The following PDE4D variants were observed in gnomAD, a reference collection of about 807,000 sequenced individuals.
The protein encoded by PDE4D is phosphodiesterase 4D.
Under a neutral mutation model 87.4 loss-of-function variants are expected in PDE4D, and 24 were observed. The observed-to-expected ratio is 0.27, with a 90% CI of 0.20 to 0.39. The LOEUF (loss-of-function observed/expected upper bound fraction) is 0.39. Among genes scored for constraint, PDE4D ranks in the 10% least tolerant of loss-of-function variants. The pLI, the probability that PDE4D is intolerant of heterozygous loss-of-function variation, is 1.00. For missense variants in PDE4D, 714 were observed against 1,041.0 expected, an observed-to-expected ratio of 0.69 and a Z score of 4.32; for synonymous variants, 384 against 383.2, an observed-to-expected ratio of 1.00 and a Z score of -0.02.
At chr5:59,264,540 T>C (rs1482328356) in intron 1 of PDE4D, among the ~76,000 whole-genome samples, 1 of 152,016 alleles carries the variant, frequency 6.6e-6, no homozygotes, top group Non-Finnish European at 1.5e-5. Context: ...TACTGATTCA[T>C]ATACTAGTAG....
At chr5:60,338,637 C>A (rs1045902203) in intron 1 of PDE4D, among the ~76,000 whole-genome samples, 2 of 152,136 alleles carry the variant, frequency 1.3e-5, no homozygotes, top group African/African-American at 4.8e-5. Flanking sequence ...GTCTCTTTGG[C>A]AGATCCACCT....
chr5:60,211,747 C>T (rs1014416331), intron 1 of PDE4D, among the ~76,000 whole-genome samples: 1 of 151,922 alleles, frequency 6.6e-6, no homozygotes, highest in Admixed American at 6.6e-5. Context: ...ACTGTGTGTG[C>T]TTCCCTACCC....
At chr5:59,183,844 C>T (rs10042606) in intron 4 of PDE4D, among the ~76,000 whole-genome samples, 36,918 of 152,112 alleles carry the variant, frequency 0.24, 4,756 homozygotes, top group African/African-American at 0.3. Flanking sequence ...ATAGACTCTG[C>T]ATTATGCTAG....
At chr5:59,886,030 G>T (rs1750099976) in intron 1 of PDE4D, among the ~76,000 whole-genome samples, 1 of 152,068 alleles carries the variant, frequency 6.6e-6, no homozygotes, top group Non-Finnish European at 1.5e-5. Context: ...AGATTATTAA[G>T]AAAATCAAAT....
Position 59,397,659 on chromosome 5 carries a change from C to A in PDE4D, c.456-181691G>T, listed in dbSNP as rs1165745174. 5.2e-5 allele frequency among the ~76,000 whole-genome samples: 6 copies of A among 116,180 alleles called. 2 individuals carry two copies. The highest frequency in any genetic ancestry group is 1.8e-5 in the Non-Finnish European group (1 of 55,418). 76.2% of individuals were successfully genotyped at this position (116,180 alleles called of 152,430 possible). A position where few individuals can be genotyped will look rare whatever the true frequency, so the allele number is the denominator to read the frequency against. ...ATCCAAAATTGACACCCTAACATCA[C>A]AAGTAAAAGAACTAGAAAAGCAAGA... On this transcript the variant is annotated intron_variant, in intron 1 of 14. Transcript: ENST00000340635.
At chr5:59,409,204 T>C (rs548263502) in intron 1 of PDE4D, among the ~76,000 whole-genome samples, 1 of 152,206 alleles carries the variant, frequency 6.6e-6, no homozygotes, top group African/African-American at 2.4e-5. Context: ...CTATTGTACC[T>C]TGGCTTGGAA....
intron 1 of PDE4D, among the ~76,000 whole-genome samples, chr5:59,887,257 T>C (rs1473624972): frequency 6.6e-6 from 1 of 152,128 alleles, no homozygotes; most frequent in Non-Finnish European, 1.5e-5. Flanking sequence ...ATGGTGAGGT[T>C]TGGGGCAATG....
chr5:59,246,217 G>C (rs1401205724), intron 1 of PDE4D, among the ~76,000 whole-genome samples: 7 of 151,960 alleles, frequency 4.6e-5, no homozygotes, highest in Admixed American at 1.3e-4. Context: ...CATCTATTCA[G>C]AAAGGTACCA....
chr5:60,118,242 A>G (rs1309347622), intron 2 of PDE4D, among the ~76,000 whole-genome samples: 2 of 152,094 alleles, frequency 1.3e-5, no homozygotes, highest in African/African-American at 4.8e-5. Context: ...CAAGAGACTC[A>G]GTCAACCCAT....
chr5:59,225,919 C>T (rs1172336039), intron 1 of PDE4D, among the ~76,000 whole-genome samples: 2 of 151,496 alleles, frequency 1.3e-5, no homozygotes, highest in African/African-American at 4.9e-5. Flanking sequence ...CTCAACCTCA[C>T]TAATCATTAA....
At chr5:59,909,299 T>C (rs899900176) in intron 3 of PDE4D, among the ~76,000 whole-genome samples, 1 of 152,186 alleles carries the variant, frequency 6.6e-6, no homozygotes, top group African/African-American at 2.4e-5. Context: ...AATCTAACCC[T>C]TAACAGGGAG....
At position 59,645,227 on chromosome 5, in the gene PDE4D, G is replaced by A. The variant is rs540002009; in HGVS notation, c.455+247941C>T. On this transcript the variant is annotated intron_variant, in intron 1 of 14. Coordinates refer to ENST00000340635, the MANE Select transcript of PDE4D (RefSeq NM_001104631.2). ...AGAAATGTTTCTGTCTACCACAGAG[G>A]TGGATTTACCGTGAGGCTAGGAAGG... 9.2e-5 allele frequency among the ~76,000 whole-genome samples: 14 copies of A among 152,266 alleles called. No homozygotes were observed. The East Asian group carries it at 2.5e-3, about 27-fold the overall frequency.
At chr5:60,438,290 G>A (rs1001461909) in intron 1 of PDE4D, among the ~76,000 whole-genome samples, 1 of 152,074 alleles carries the variant, frequency 6.6e-6, no homozygotes, top group African/African-American at 2.4e-5. Context: ...GAAAGAAGCA[G>A]GGAGAAGTAC....
intron 5 of PDE4D, among the ~76,000 whole-genome samples, chr5:59,178,184 C>T (rs980716817): frequency 6.6e-6 from 1 of 152,128 alleles, no homozygotes; most frequent in Non-Finnish European, 1.5e-5. Flanking sequence ...GAAAGGGGAA[C>T]CTTCCCCTGC....
rs370790423 is a variant in PDE4D, at chr5:59,987,639, A to G, written c.272+849T>C. Reference sequence around the variant, plus strand: ...GGACCATCACATTTGTAGCATAGTAATTGTTTTGTTCTTGTAGTTTTAGCA... The same window carrying G: ...GGACCATCACATTTGTAGCATAGTAGTTGTTTTGTTCTTGTAGTTTTAGCA... On this transcript the variant is annotated intron_variant, in intron 3 of 16. Transcript: ENST00000502484. The G allele has an allele frequency of 2.6e-5, 4 of 152,320 alleles. No individual in the cohort carries two copies. In the East Asian group the frequency reaches 7.7e-4, roughly 29 times the overall value. The allele number at this position is 152,320 out of a possible 1,614,324, so 9.4% of individuals were successfully genotyped here.
chr5:59,556,834 C>T (rs542850078), intron 1 of PDE4D, among the ~76,000 whole-genome samples: 18 of 151,780 alleles, frequency 1.2e-4, no homozygotes, highest in African/African-American at 4.4e-4. Flanking sequence ...TCTAAATAGG[C>T]AGGGCATGAA....
At chr5:59,984,183 A>G (rs1762189140) in intron 3 of PDE4D, among the ~76,000 whole-genome samples, 1 of 152,232 alleles carries the variant, frequency 6.6e-6, no homozygotes, top group Non-Finnish European at 1.5e-5. Flanking sequence ...GTATAAATAC[A>G]TATTAATTCA....
chr5:59,195,900 G>C (rs149847405), intron 2 of PDE4D, among the ~76,000 whole-genome samples: 1 of 152,026 alleles, frequency 6.6e-6, no homozygotes, highest in Admixed American at 6.6e-5. Context: ...CTGATACTTC[G>C]CTAAGAAGGA....
chr5:59,304,529 G>A (rs1488077419), intron 1 of PDE4D, among the ~76,000 whole-genome samples: 1 of 152,010 alleles, frequency 6.6e-6, no homozygotes, highest in Non-Finnish European at 1.5e-5. Context: ...GTTGGCTGTG[G>A]GTTTGTCATA....
Sources: gnomAD v4.1 joint callset for allele counts (sites outside exome capture counted in the v4.1 genomes callset) on GRCh38, gnomAD v4.1.1 for gene constraint, MANE v1.5 for transcripts, NCBI Gene and HGNC (gene_info 2026-07-23, HGNC 2026-07-21) for gene names.